The following CHTOP variants were observed in gnomAD, a reference collection of about 807,000 sequenced individuals.
CHTOP encodes chromatin target of PRMT1 protein.
In CHTOP, 18 loss-of-function variants were observed where a neutral mutation model predicts 33.6. The observed-to-expected ratio is 0.54, with a 90% CI of 0.37 to 0.80. CHTOP has a LOEUF of 0.80. Among genes scored for constraint, CHTOP ranks in the 30% least tolerant of loss-of-function variants. The pLI, the probability that CHTOP is intolerant of heterozygous loss-of-function variation, is 0.00. For missense variants in CHTOP, 263 were observed against 336.8 expected (o/e 0.78, Z 1.71); for synonymous variants, 117 against 127.7 (o/e 0.92, Z 0.56).
At position 153,634,098 on chromosome 1, in the gene CHTOP, G is replaced by C. The variant is rs540420625; in HGVS notation, c.-263G>C. On this transcript the variant is annotated 5_prime_UTR_variant, in exon 1 of 6. Coordinates refer to ENST00000368694, the MANE Select transcript of CHTOP (RefSeq NM_015607.4). The stretch of plus-strand genomic sequence containing the variant: ...CCATTTTGTTTTGGACACCGAGCAG[G>C]AGCTGGCGGCCGCTGCAGACGAAAG... The C allele has an allele frequency of 7.2e-5, 11 of 152,950 alleles. No individual in the cohort carries two copies. In the East Asian group the frequency reaches 1.2e-3, roughly 16 times the overall value. 9.5% of individuals were successfully genotyped at this position (152,950 alleles called of 1,614,324 possible). A position where few individuals can be genotyped will look rare whatever the true frequency, so the allele number is the denominator to read the frequency against.
intron 3 of CHTOP, 83 bp from the exon 4 acceptor site, chr1:153,642,163 T>G (rs533796226): frequency 1.8e-5 from 22 of 1,214,880 alleles, no homozygotes; most frequent in African/African-American, 7.6e-5. Flanking sequence ...CTCACTTGCT[T>G]CTTTTTCTCT....
rs1668820536 is a variant in CHTOP, at chr1:153,646,176, T to C, written c.*907T>C. Reference sequence around the variant, plus strand: ...TTTATCCCAAACTAATCTTGGACTTTTCCACTCATTAGCTTTGTTTTGCCC... The same window carrying C: ...TTTATCCCAAACTAATCTTGGACTTCTCCACTCATTAGCTTTGTTTTGCCC... On this transcript the variant is annotated 3_prime_UTR_variant, in exon 6 of 6. Coordinates refer to ENST00000368694, the MANE Select transcript of CHTOP (RefSeq NM_015607.4). The C allele has an allele frequency of 6.6e-6, 1 of 152,206 alleles. No homozygotes were observed. The highest frequency in any genetic ancestry group is 6.5e-5 in the Admixed American group (1 of 15,276). 9.4% of individuals were successfully genotyped at this position (152,206 alleles called of 1,614,324 possible).
At chr1:153,638,565 C>A in intron 3 of CHTOP, 117 bp downstream of exon 3, 1 of 1,185,404 alleles carries the variant, frequency 8.4e-7, no homozygotes, top group Non-Finnish European at 1.2e-6. Flanking sequence ...AAAGCTGAAA[C>A]TTCTCTGGAA....
intron 2 of CHTOP, 150 bp from the exon 3 acceptor site, chr1:153,638,144 GT>G: frequency 1.4e-6 from 1 of 701,838 alleles, no homozygotes; most frequent in Non-Finnish European, 2.4e-6. Flanking sequence ...AAACAGAGGA[GT>G]CTTTAACCCA....
intron 4 of CHTOP, 107 bp downstream of exon 4, chr1:153,642,536 A>T: frequency 1.2e-6 from 1 of 843,172 alleles, no homozygotes; most frequent in Non-Finnish European, 1.8e-6. Context: ...AATTTGTATT[A>T]ATATAATAAC....
At chr1:153,635,372 G>C (rs774974416) in intron 1 of CHTOP, among the ~76,000 whole-genome samples, 2 of 150,188 alleles carry the variant, frequency 1.3e-5, no homozygotes, top group Admixed American at 6.6e-5. Flanking sequence ...GGCTGGTCTC[G>C]AGCTCCAGGG....
At chr1:153,636,209 G>A (rs911024214) in intron 1 of CHTOP, among the ~76,000 whole-genome samples, 2 of 151,668 alleles carry the variant, frequency 1.3e-5, no homozygotes, top group African/African-American at 4.8e-5. Context: ...GGTTACAGGC[G>A]GTGAACCACC....
intron 3 of CHTOP, among the ~76,000 whole-genome samples, chr1:153,641,714 C>T (rs756063928): frequency 6.6e-5 from 10 of 152,120 alleles, no homozygotes; most frequent in African/African-American, 2.4e-5. Flanking sequence ...ATGGAGCACA[C>T]GGGCCTTTTT....
At position 153,634,706 on chromosome 1, in the gene CHTOP, C is replaced by G. The variant is rs1035494454; in HGVS notation, c.-18+363C>G. ...AGTTTTGTGGAGGGCTCTTTGCGAG[C>G]TAATTCCCAGGTGAATTTAGAAAAC... On this transcript the variant is annotated intron_variant, in intron 1 of 5. Coordinates refer to ENST00000368694, the MANE Select transcript of CHTOP (RefSeq NM_015607.4). Among the ~76,000 whole-genome samples the G allele has an allele frequency of 2.7e-5, 3 of 112,606 alleles. No individual in the cohort carries two copies. The East Asian group carries it at 8.6e-4, about 32-fold the overall frequency. 73.9% of individuals were successfully genotyped at this position (112,606 alleles called of 152,430 possible).
At chr1:153,644,843 A>G (rs1054874836) in intron 5 of CHTOP, among the ~76,000 whole-genome samples, 5 of 152,238 alleles carry the variant, frequency 3.3e-5, no homozygotes, top group African/African-American at 1.2e-4. Context: ...ATTTGTTAAA[A>G]TAGCATTTAG....
chr1:153,643,994 T>C (rs770207159), intron 5 of CHTOP: 7 of 152,212 alleles, frequency 4.6e-5, no homozygotes, highest in Non-Finnish European at 1.0e-4. Context: ...ATGACCCAGA[T>C]TGGGAAAGAG....
intron 5 of CHTOP, 96 bp downstream of exon 5, chr1:153,643,460 G>A: frequency 4.8e-6 from 6 of 1,255,188 alleles, no homozygotes; most frequent in Non-Finnish European, 6.4e-6. Context: ...GTCATAGGCA[G>A]GCTTCTTTGT....
At position 153,645,068 on chromosome 1, in the gene CHTOP, G is replaced by T; in HGVS notation, c.546G>T (p.Arg182=). 1 of 1,612,288 alleles carries T rather than the reference G, an allele frequency of 6.2e-7. No individual in the cohort carries two copies. Among genetic ancestry groups the T allele is most frequent in the South Asian group, 1.1e-5 (1 of 91,028 alleles). The part of the protein sequence containing the change: ...MGRGGIGGRG[R]GMIGRGRGGF... ...TTTTTTTCCCCTTTGGGCCAGGTCG[G>T]GGTATGATAGGTCGGGGAAGAGGGG... Residue 182 remains arginine, a synonymous_variant, in exon 6 of 6, where the codon CGG becomes CGT. Transcript: ENST00000368694.
chr1:153,634,843 C>CAT (rs1300701974), intron 1 of CHTOP, among the ~76,000 whole-genome samples: 23 of 132,514 alleles, frequency 1.7e-4, no homozygotes, highest in South Asian at 5.0e-4. Flanking sequence ...TATATACATA[C>CAT]ATATATATAT....
At chr1:153,643,123 T>C in intron 4 of CHTOP, 104 bp from the exon 5 acceptor site, 1 of 1,419,336 alleles carries the variant, frequency 7.0e-7, no homozygotes, top group Non-Finnish European at 9.9e-7. Flanking sequence ...ACCTAAAAAC[T>C]AACTGAATTA....
At chr1:153,642,159 T>G in intron 3 of CHTOP, 87 bp from the exon 4 acceptor site, 2 of 1,148,036 alleles carry the variant, frequency 1.7e-6, no homozygotes, top group Admixed American at 2.3e-5. Context: ...GCATCTCACT[T>G]GCTTCTTTTT....
In CHTOP at chr1:153,645,294, A is replaced by T; in HGVS notation, c.*25A>T. The T allele has an allele frequency of 6.2e-7, 1 of 1,609,478 alleles. No individual in the cohort carries two copies. Among genetic ancestry groups the T allele is most frequent in the East Asian group, 2.2e-5 (1 of 44,840 alleles). On this transcript the variant is annotated 3_prime_UTR_variant, in exon 6 of 6. Transcript: ENST00000368694. The stretch of plus-strand genomic sequence containing the variant: ...AAGCCTGCCCATCCTCCCATGAGAG[A>T]CTCTTGTTAGTCAACACATCTGTAA...
chr1:153,636,425 A>AT, intron 1 of CHTOP, 147 bp from the exon 2 acceptor site: 6 of 523,654 alleles, frequency 1.1e-5, no homozygotes, highest in Middle Eastern at 5.3e-4. Context: ...AAAAAAAAAA[A>AT]GAAATTTAAG....
At chr1:153,638,716 A>C (rs1170783382) in intron 3 of CHTOP, among the ~76,000 whole-genome samples, 1 of 152,132 alleles carries the variant, frequency 6.6e-6, no homozygotes, top group Admixed American at 6.5e-5. Context: ...CTGATCCTTA[A>C]CCCTTAACAT....
Sources: allele counts gnomAD v4.1 joint callset (sites outside exome capture counted in the v4.1 genomes callset), GRCh38; gene constraint gnomAD v4.1.1; transcripts MANE v1.5; gene names NCBI Gene and HGNC (gene_info 2026-07-23, HGNC 2026-07-21).